KIAA2012: variants seen among roughly 807,000 people sequenced by gnomAD.
KIAA2012 encodes uncharacterized protein KIAA2012.
KIAA2012 carries 125 observed loss-of-function variants against 150.6 expected under a neutral mutation model. The observed-to-expected ratio is 0.83, with a 90% confidence interval of 0.72 to 0.96. The LOEUF (loss-of-function observed/expected upper bound fraction) is 0.96, where lower values mean the gene tolerates loss of function less well. Among genes scored for constraint, KIAA2012 ranks in the 40% least tolerant of loss-of-function variants. The pLI is 0.00. For missense variants in KIAA2012, 1,219 were observed against 1,354.9 expected, an observed-to-expected ratio of 0.90 and a Z score of 1.57; for synonymous variants, 462 against 504.7, an observed-to-expected ratio of 0.92 and a Z score of 1.13.
chr2:202,100,208 C>A, intron 6 of KIAA2012, 99 bp from the exon 7 acceptor site: 2 of 1,305,882 alleles, frequency 1.5e-6, no homozygotes, highest in Non-Finnish European at 2.1e-6. Flanking sequence ...CACTGCCTGC[C>A]TTTCTCCCCA....
At chr2:202,165,255 G>A in intron 14 of KIAA2012, 29 bp from the exon 15 acceptor site, 10 of 1,539,890 alleles carry the variant, frequency 6.5e-6, no homozygotes, top group East Asian at 2.5e-5. Flanking sequence ...TATGTCTAAT[G>A]TATTCTTTGT....
At chr2:202,132,965 T>A (rs1575029004) in intron 12 of KIAA2012, among the ~76,000 whole-genome samples, 1 of 139,240 alleles carries the variant, frequency 7.2e-6, no homozygotes, top group Non-Finnish European at 1.5e-5. Context: ...ATTAGCCAGG[T>A]GAGGTGGCAG....
At chr2:202,127,980 C>T (rs1690837290) in intron 12 of KIAA2012, among the ~76,000 whole-genome samples, 2 of 152,202 alleles carry the variant, frequency 1.3e-5, no homozygotes, top group South Asian at 4.2e-4. Flanking sequence ...TCCCCTAGCC[C>T]CTGGCAACCA....
In KIAA2012 at chr2:202,089,751, C is replaced by T. The variant is rs114815514; in HGVS notation, c.370-1019C>T. On this transcript the variant is annotated intron_variant, in intron 2 of 23. Transcript: ENST00000498697. The stretch of plus-strand genomic sequence containing the variant: ...TCCACGGTGTTAGAAATCAGAATAG[C>T]AATTACCTGGTGGGTAGGAGGATAC... Among the ~76,000 whole-genome samples, 274 of 152,286 alleles carry T rather than the reference C, an allele frequency of 1.8e-3. 2 individuals are homozygous for T. The highest frequency in any genetic ancestry group is 5.4e-3 in the African/African-American group (225 of 41,568).
intron 12 of KIAA2012, among the ~76,000 whole-genome samples, chr2:202,133,109 A>AAAAAAAAAAATATAT (rs766606713): frequency 2.3e-5 from 2 of 87,872 alleles, no homozygotes; most frequent in Non-Finnish European, 4.4e-5. Context: ...TCTAAAAAAA[A>AAAAAAAAAAATATAT]ATATATATAT....
intron 14 of KIAA2012, among the ~76,000 whole-genome samples, chr2:202,156,248 T>C (rs531632256): frequency 6.6e-6 from 1 of 152,004 alleles, no homozygotes; most frequent in South Asian, 2.1e-4. Flanking sequence ...ATTCTGGACG[T>C]CAAAAGAAAA....
rs1692367753 is a variant in KIAA2012 at position 202,194,200 on chromosome 2, CAG to C, written c.3029_3030del (p.Arg1010ThrfsTer78). 2 of 1,550,494 alleles carry C rather than the reference CAG, an allele frequency of 1.3e-6. No homozygotes were observed. Among genetic ancestry groups the C allele is most frequent in the East Asian group, 2.4e-5 (1 of 40,912 alleles). ...RRTEEIRLRK[Q>X]RLQEEQQRQE... ...CTTGGGTTTTCTCAGCTTGAGGAAA[CAG>C]AGACTCCAAGAAGAACAGCAGCGGC... On this transcript the variant is annotated frameshift_variant, in exon 21 of 24. Coordinates refer to ENST00000498697, the MANE Select transcript of KIAA2012 (RefSeq NM_001277372.4). LOFTEE classifies it high-confidence loss of function.
intron 15 of KIAA2012, among the ~76,000 whole-genome samples, chr2:202,176,106 A>T (rs906150065): frequency 2.6e-5 from 4 of 152,372 alleles, no homozygotes; most frequent in African/African-American, 7.2e-5. Flanking sequence ...TAACTTTTAG[A>T]GGAAAATATA....
At chr2:202,179,356 G>A in intron 15 of KIAA2012, 1 of 932,608 alleles carries the variant, frequency 1.1e-6, no homozygotes, top group Non-Finnish European at 1.7e-6. Context: ...AACTTGTCCG[G>A]ATTGAATATG....
intron 21 of KIAA2012, among the ~76,000 whole-genome samples, chr2:202,196,234 G>T (rs1267109190): frequency 8.5e-6 from 1 of 118,152 alleles, no homozygotes; most frequent in African/African-American, 3.4e-5. Context: ...TCGCTCTGTC[G>T]CCAAGGCTTG....
At chr2:202,116,982 A>G (rs1470966805) in intron 11 of KIAA2012, 1 of 152,196 alleles carries the variant, frequency 6.6e-6, no homozygotes, top group African/African-American at 2.4e-5. Flanking sequence ...CCTTGCCAAC[A>G]GCCAGAATGA....
At chr2:202,129,585 A>AGT (rs1000300475) in intron 12 of KIAA2012, among the ~76,000 whole-genome samples, 3 of 152,134 alleles carry the variant, frequency 2.0e-5, no homozygotes, top group Non-Finnish European at 4.4e-5. Flanking sequence ...TTCAGATAAA[A>AGT]GTGATAGGAT....
At chr2:202,160,402 C>T (rs1291349109) in intron 14 of KIAA2012, among the ~76,000 whole-genome samples, 1 of 151,014 alleles carries the variant, frequency 6.6e-6, no homozygotes, top group African/African-American at 2.4e-5. Flanking sequence ...CAAGCTCCAC[C>T]TCCCGGGTTC....
At position 202,199,801 on chromosome 2, in the gene KIAA2012, G is replaced by C. The variant is rs1239324511; in HGVS notation, c.3408-2628G>C. 2.0e-5 allele frequency among the ~76,000 whole-genome samples: 3 copies of C among 152,084 alleles called. No individual in the cohort carries two copies. The East Asian group carries it at 5.8e-4, about 29-fold the overall frequency. On this transcript the variant is annotated intron_variant, in intron 22 of 23. Coordinates refer to ENST00000498697, the MANE Select transcript of KIAA2012 (RefSeq NM_001277372.4). The stretch of plus-strand genomic sequence containing the variant: ...GGAATTTTGGGGGACCAAATGAGTG[G>C]CTGCATCAGACACTCTGACAAAAAA...
intron 4 of KIAA2012, among the ~76,000 whole-genome samples, chr2:202,094,138 C>T (rs116752103): frequency 0.074 from 11,246 of 152,180 alleles, 585 homozygotes; most frequent in Middle Eastern, 0.13. Context: ...AAAATTTTAG[C>T]TGGGCGTGGT....
At chr2:202,075,277 A>AAACTC in intron 2 of KIAA2012, 102 bp downstream of exon 2, 12 of 1,276,374 alleles carry the variant, frequency 9.4e-6, no homozygotes, top group Non-Finnish European at 1.3e-5. Flanking sequence ...GGAAGGTATG[A>AAACTC]AACTCTCAGA....
At chr2:202,091,495 C>G (rs1369380508) in intron 3 of KIAA2012, among the ~76,000 whole-genome samples, 1 of 152,122 alleles carries the variant, frequency 6.6e-6, no homozygotes, top group Non-Finnish European at 1.5e-5. Context: ...GTGCGATGGA[C>G]ACCCTTCTGA....
At chr2:202,143,180 G>A (rs1011101599) in intron 13 of KIAA2012, among the ~76,000 whole-genome samples, 1 of 150,712 alleles carries the variant, frequency 6.6e-6, no homozygotes, top group Non-Finnish European at 1.5e-5. Context: ...CGCCTCCAGG[G>A]TTCAAGCAAT....
chr2:202,201,848 C>T (rs1244567552), intron 22 of KIAA2012: 3 of 1,278,310 alleles, frequency 2.3e-6, no homozygotes, highest in African/African-American at 2.9e-5. Flanking sequence ...GCTGCACAGG[C>T]TAGGTTGGCT....
Sources: gnomAD v4.1 joint callset for allele counts (sites outside exome capture counted in the v4.1 genomes callset) on GRCh38, gnomAD v4.1.1 for gene constraint, MANE v1.5 for transcripts, NCBI Gene and HGNC (gene_info 2026-07-23, HGNC 2026-07-21) for gene names.